Variants in CCDC171 observed in about 807,000 individuals in gnomAD.
CCDC171 encodes the protein coiled-coil domain containing 171.
CCDC171 carries 177 observed loss-of-function variants against 168.2 expected under a neutral mutation model. That is an observed-to-expected ratio of 1.05 (90% CI 0.93 to 1.19). The LOEUF is 1.19. CCDC171 is among the 50% of genes most tolerant of loss of function. CCDC171 has a pLI of 0.00. For synonymous variants in CCDC171, 687 were observed against 540.8 expected, an observed-to-expected ratio of 1.27 and a Z score of -3.75; for missense variants, 1,991 against 1,539.0, an observed-to-expected ratio of 1.29 and a Z score of -4.91.
At chr9:15,647,395 T>A (rs1286759851) in intron 7 of CCDC171, among the ~76,000 whole-genome samples, 5 of 151,820 alleles carry the variant, frequency 3.3e-5, no homozygotes, top group African/African-American at 1.2e-4. Flanking sequence ...AAGACATAAC[T>A]AAGAGCAGAA....
chr9:16,107,565 A>G, the CCDC171 span, among the ~76,000 whole-genome samples: 1 of 152,100 alleles, frequency 6.6e-6, no homozygotes, highest in Admixed American at 6.5e-5. Context: ...ACACACACAT[A>G]TACATATATG....
chr9:16,096,177 G>T, the CCDC171 span, among the ~76,000 whole-genome samples: 1 of 152,078 alleles, frequency 6.6e-6, no homozygotes, highest in Non-Finnish European at 1.5e-5. Context: ...ATTATTAAAT[G>T]AGAACATTGA....
At chr9:16,045,727 G>A (rs1240086181) in intron 1 of CCDC171, among the ~76,000 whole-genome samples, 1 of 152,186 alleles carries the variant, frequency 6.6e-6, no homozygotes, top group Non-Finnish European at 1.5e-5. Flanking sequence ...TCACTCAGCA[G>A]ACAGCTGCTG....
chr9:15,684,043 G>C (rs1216449972), intron 10 of CCDC171, among the ~76,000 whole-genome samples: 1 of 152,018 alleles, frequency 6.6e-6, no homozygotes, highest in African/African-American at 2.4e-5. Flanking sequence ...AAAAGCTGCT[G>C]ATGGTGATGA....
chr9:15,940,660 A>G (rs953488938), intron 25 of CCDC171, among the ~76,000 whole-genome samples: 4 of 151,802 alleles, frequency 2.6e-5, no homozygotes, highest in African/African-American at 7.3e-5. Context: ...TCTCCTCAAT[A>G]TTTCTCCCCT....
At chr9:15,854,475 T>A (rs1037895346) in intron 23 of CCDC171, among the ~76,000 whole-genome samples, 3 of 151,678 alleles carry the variant, frequency 2.0e-5, no homozygotes, top group Non-Finnish European at 4.4e-5. Context: ...TAGTAACTTT[T>A]CTCTTGGTCA....
At chr9:15,917,473 A>G (rs971533373) in intron 24 of CCDC171, among the ~76,000 whole-genome samples, 2 of 114,286 alleles carry the variant, frequency 1.7e-5, no homozygotes, top group South Asian at 2.7e-4. Context: ...TTGGATTATT[A>G]TATTCTTTTT....
intron 10 of CCDC171, among the ~76,000 whole-genome samples, chr9:15,690,212 T>C (rs2050692404): frequency 6.6e-6 from 1 of 152,164 alleles, no homozygotes; most frequent in African/African-American, 2.4e-5. Flanking sequence ...TTGTACAACC[T>C]CGTGAAAATA....
chr9:15,791,916 C>G (rs998807661), intron 21 of CCDC171, among the ~76,000 whole-genome samples: 1 of 152,112 alleles, frequency 6.6e-6, no homozygotes. Flanking sequence ...AATCAGAGCA[C>G]CTCTCCCCCT....
Position 15,972,778 on chromosome 9 carries a change from C to G in CCDC171, c.*942C>G, listed in dbSNP as rs1382819012. The G allele has an allele frequency of 1.3e-5, 2 of 152,122 alleles. No homozygotes were observed. The highest frequency in any genetic ancestry group is 2.9e-5 in the Non-Finnish European group (2 of 68,020). The allele number at this position is 152,122 out of a possible 1,614,324, so 9.4% of individuals were successfully genotyped here. On this transcript the variant is annotated 3_prime_UTR_variant, in exon 26 of 26. Transcript: ENST00000380701. ...CAAGGCCATTGCCCTGCATTTTCTG[C>G]CTTGTAGCACACAAAAGTAAAATTG...
intron 7 of CCDC171, among the ~76,000 whole-genome samples, chr9:15,641,089 G>C (rs1457708940): frequency 6.6e-6 from 1 of 152,012 alleles, no homozygotes; most frequent in Non-Finnish European, 1.5e-5. Flanking sequence ...TCACCTTTTT[G>C]TAGATGGATT....
In CCDC171 at chr9:15,571,754, G is replaced by T; in HGVS notation, c.172G>T (p.Ala58Ser). ...GTTAGAAATAACAACCAAACACAAT[G>T]CAGAGGTACGATTTATTTTCCTCTC... ...EKLEITTKHN[A>S]ELASYESQIA... The change falls in exon 3 of 26, where the codon GCA becomes TCA. Residue 58 changes from alanine (A) to serine (S), a missense_variant. By Grantham distance (99) the Ala-to-Ser change is moderately conservative (BLOSUM62 1). Coordinates refer to ENST00000380701, the MANE Select transcript of CCDC171 (RefSeq NM_173550.4). The T allele has an allele frequency of 6.4e-7, 1 of 1,572,122 alleles. No homozygotes were observed. The highest frequency in any genetic ancestry group is 2.3e-5 in the East Asian group (1 of 42,818).
At chr9:15,947,999 C>T (rs899911544) in intron 25 of CCDC171, among the ~76,000 whole-genome samples, 2 of 150,834 alleles carry the variant, frequency 1.3e-5, no homozygotes, top group South Asian at 4.3e-4. Context: ...CAACAGTCCC[C>T]ACAGTGTGAT....
In CCDC171 at chr9:15,571,397, C is replaced by T. The variant is rs567731598; in HGVS notation, c.42-227C>T. Among the ~76,000 whole-genome samples, 6 of 152,030 alleles carry T rather than the reference C, an allele frequency of 3.9e-5. No homozygotes were observed. The East Asian group carries it at 1.2e-3, about 29-fold the overall frequency. On this transcript the variant is annotated intron_variant, in intron 2 of 25. Coordinates refer to ENST00000380701, the MANE Select transcript of CCDC171 (RefSeq NM_173550.4). ...CAATCTTGAATAATGTGGTAATTTC[C>T]CATTAGACAGTGGTTTGTTGCTAGG...
chr9:15,709,533 C>T (rs1302193393), intron 11 of CCDC171, among the ~76,000 whole-genome samples: 1 of 151,976 alleles, frequency 6.6e-6, no homozygotes, highest in African/African-American at 2.4e-5. Context: ...GTAAATGAAA[C>T]AAATGTAATA....
At chr9:15,928,187 A>AT (rs1214927771) in intron 25 of CCDC171, among the ~76,000 whole-genome samples, 1 of 151,740 alleles carries the variant, frequency 6.6e-6, no homozygotes, top group African/African-American at 2.4e-5. Context: ...ATAGTGGAGA[A>AT]TACAACCATT....
intron 2 of CCDC171, among the ~76,000 whole-genome samples, chr9:15,564,948 C>G (rs1274570766): frequency 1.3e-5 from 2 of 152,098 alleles, no homozygotes; most frequent in East Asian, 1.9e-4. Flanking sequence ...GATAGTCCTT[C>G]CTCATATTTA....
intron 6 of CCDC171, among the ~76,000 whole-genome samples, chr9:15,613,133 G>A (rs1301153570): frequency 2.0e-5 from 3 of 152,062 alleles, no homozygotes; most frequent in African/African-American, 2.4e-5. Flanking sequence ...AGGAACTGAC[G>A]GACTGTTTTC....
chr9:16,058,985 A>G (rs922353247), intron 1 of CCDC171, among the ~76,000 whole-genome samples: 15 of 152,214 alleles, frequency 9.9e-5, no homozygotes, highest in African/African-American at 3.6e-4. Flanking sequence ...CCCACAATGC[A>G]TTCCTGTCCT....
Sources: allele counts gnomAD v4.1 joint callset (sites outside exome capture counted in the v4.1 genomes callset), GRCh38; gene constraint gnomAD v4.1.1; transcripts MANE v1.5; gene names NCBI Gene and HGNC (gene_info 2026-07-23, HGNC 2026-07-21).